The following USP36 variants were observed in gnomAD, a reference collection of about 807,000 sequenced individuals.
The protein encoded by USP36 is ubiquitin carboxyl-terminal hydrolase 36.
A neutral mutation model predicts 111.5 loss-of-function variants in USP36; 59 were observed. The ratio of observed to expected loss-of-function variants is 0.53; its 90% CI spans 0.43 to 0.66. The LOEUF is 0.66. USP36 is among the 30% of genes least tolerant of loss of function. The probability of loss-of-function intolerance (pLI) is 0.00; values close to 1 mark genes in which losing one functional copy is unlikely to be tolerated. For missense variants in USP36, 1,488 were observed against 1,468.0 expected (o/e 1.01, Z -0.22); for synonymous variants, 628 against 581.0 (o/e 1.08, Z -1.16).
chr17:78,818,617 T>G (rs773091571), intron 10 of USP36, 50 bp downstream of exon 10: 2 of 1,529,108 alleles, frequency 1.3e-6, no homozygotes, highest in Non-Finnish European at 9.1e-7. Flanking sequence ...GTTATTCTGA[T>G]GCCGACTGTG....
At chr17:78,823,155 G>A (rs966803138) in intron 6 of USP36, 1 of 398,708 alleles carries the variant, frequency 2.5e-6, no homozygotes, top group Non-Finnish European at 4.4e-6. Flanking sequence ...ATACTTGGGG[G>A]ACCAATACAG....
At position 78,798,443 on chromosome 17, in the gene USP36, C is replaced by T. The variant is rs1412119477; in HGVS notation, c.3349G>A (p.Ala1117Thr). ...FWSVTHPAKA[A>T]SLSYRR is the part of the protein sequence containing the mutation. ...AGTCAGCGGCGATAGCTGAGGCTGG[C>T]AGCCTTTGCTGGGTGAGTCACAGAC... Residue 1117 changes from alanine (A) to threonine (T), a missense_variant, in exon 20 of 21, where the codon GCC becomes ACC. This residue lies in a region of USP36 where 1,073 missense variants were observed against 994.1 expected (regional missense o/e 1.08). Coordinates refer to ENST00000449938, the MANE Select transcript of USP36 (RefSeq NM_001385174.1). The surrounding 1 kb of genome is among the most constrained non-coding windows in gnomAD (Gnocchi z 5.1). The T allele has an allele frequency of 1.2e-6, 2 of 1,614,204 alleles. No individual in the cohort carries two copies. The highest frequency in any genetic ancestry group is 1.3e-5 in the African/African-American group (1 of 75,054).
chr17:78,835,354 T>C lies in USP36; in HGVS notation c.401A>G (p.Asn134Ser), dbSNP rs1241266273. The change falls in exon 4 of 21, where the codon AAT becomes AGT. Residue 134 changes from asparagine (N) to serine (S), a missense_variant. By Grantham distance (46) the Asn-to-Ser change is conservative. Transcript: ENST00000449938. ...GTAGGTCAAGCACTGGATGGTGGCA[T>C]TGAGAAAGCAGGTGTTGCCAAGGTT... Reference protein sequence around the residue: ...LHNLGNTCFLNATIQCLTYTP... With the variant: ...LHNLGNTCFLSATIQCLTYTP... The C allele has an allele frequency of 1.2e-6, 2 of 1,614,178 alleles. No individual in the cohort carries two copies. Among genetic ancestry groups the C allele is most frequent in the Non-Finnish European group, 1.7e-6 (2 of 1,180,032 alleles).
Position 78,803,348 on chromosome 17 carries a change from C to A in USP36, c.2810+37G>T. The A allele has an allele frequency of 6.3e-7, 1 of 1,578,994 alleles. No homozygotes were observed. Among genetic ancestry groups the A allele is most frequent in the Non-Finnish European group, 8.6e-7 (1 of 1,156,740 alleles). Reference sequence around the variant, plus strand: ...TCTGTGGTTTTGCTTTGTTTCTCGTCAGAGGTAGACAGATGCCACTTTGCT... The same window carrying A: ...TCTGTGGTTTTGCTTTGTTTCTCGTAAGAGGTAGACAGATGCCACTTTGCT... On this transcript the variant is annotated intron_variant, in intron 16 of 20. Transcript: ENST00000449938. The surrounding 1 kb of genome is among the most constrained non-coding windows in gnomAD (Gnocchi z 4.6).
At position 78,798,899 on chromosome 17, in the gene USP36, ACAT is replaced by A. The variant is rs769886685; in HGVS notation, c.3240+6_3240+8del. ...CCCTCAAGCCTGTGGTCAGCATCAC[ACAT>A]CATACCTTCCCTCGGTCAAACTCTT... On this transcript the variant is annotated splice_donor_region_variant and intron_variant, in intron 19 of 20. Coordinates refer to ENST00000449938, the MANE Select transcript of USP36 (RefSeq NM_001385174.1). The surrounding 1 kb of genome is among the most constrained non-coding windows in gnomAD (Gnocchi z 5.1). 4 of 1,613,560 alleles carry A rather than the reference ACAT, an allele frequency of 2.5e-6. No homozygotes were observed. In the South Asian group the frequency reaches 4.4e-5, roughly 18 times the overall value.
chr17:78,813,111 C>A, intron 12 of USP36, 110 bp from the exon 13 acceptor site: 1 of 1,373,642 alleles, frequency 7.3e-7, no homozygotes, highest in Non-Finnish European at 1.0e-6. Flanking sequence ...CCTGGGGAAA[C>A]CCTGCCAGTC....
intron 7 of USP36, chr17:78,821,420 A>ATATATTT: frequency 5.8e-5 from 2 of 34,558 alleles, no homozygotes; most frequent in Non-Finnish European, 4.6e-5. Flanking sequence ...ATATATATAT[A>ATATATTT]TTTTTTTTTT....
intron 7 of USP36, 70 bp from the exon 8 acceptor site, chr17:78,821,131 C>A: frequency 6.8e-7 from 1 of 1,467,130 alleles, no homozygotes. Context: ...AAGACCGAGA[C>A]CCAGCAGGGA....
rs2094137035 is a variant in USP36, at chr17:78,814,525, T to G, written c.1051A>C (p.Ile351Leu). Residue 351 changes from isoleucine (I) to leucine (L), a missense_variant, in exon 11 of 21, where the codon ATA becomes CTA. Coordinates refer to ENST00000449938, the MANE Select transcript of USP36 (RefSeq NM_001385174.1). Reference sequence around the variant, plus strand: ...TTATTCTGGGACATATACGGACGTATGTTGAGGAATTCCGGATAGCCTACA... The same window carrying G: ...TTATTCTGGGACATATACGGACGTAGGTTGAGGAATTCCGGATAGCCTACA... ...KDVGYPEFLN[I>L]RPYMSQNNGD... The G allele has an allele frequency of 1.2e-6, 2 of 1,614,030 alleles. No individual in the cohort carries two copies. The highest frequency in any genetic ancestry group is 2.2e-5 in the South Asian group (2 of 91,078).
intron 10 of USP36, among the ~76,000 whole-genome samples, chr17:78,818,371 T>G (rs1290792394): frequency 6.6e-6 from 1 of 152,126 alleles, no homozygotes; most frequent in Non-Finnish European, 1.5e-5. Context: ...TTTGCAAAAA[T>G]GCAGATTCCT....
chr17:78,833,508 C>G (rs1318689005), intron 4 of USP36, among the ~76,000 whole-genome samples: 1 of 152,086 alleles, frequency 6.6e-6, no homozygotes, highest in Non-Finnish European at 1.5e-5. Context: ...ACTTGACTCA[C>G]TCAGAATTTA....
chr17:78,788,667 A>G (rs569130534), intron 3 of USP36, among the ~76,000 whole-genome samples: 4 of 152,090 alleles, frequency 2.6e-5, no homozygotes, highest in Non-Finnish European at 5.9e-5. Flanking sequence ...GCATGAAGGA[A>G]GGAAGGGCCA....
At chr17:78,804,127 T>C (rs1294163842) in intron 15 of USP36, 149 bp from the exon 16 acceptor site, 1 of 581,750 alleles carries the variant, frequency 1.7e-6, no homozygotes, top group African/African-American at 1.9e-5. Context: ...AAGTTACATG[T>C]ATGTTTGAAA....
chr17:78,810,906 G>C (rs773578908), intron 13 of USP36, among the ~76,000 whole-genome samples: 9 of 151,928 alleles, frequency 5.9e-5, no homozygotes, highest in Non-Finnish European at 1.3e-4. Flanking sequence ...TTGAGGTCAG[G>C]AGTTCCAGAC....
chr17:78,810,799 G>T (rs1188104734), intron 13 of USP36, among the ~76,000 whole-genome samples: 1 of 152,076 alleles, frequency 6.6e-6, no homozygotes, highest in Admixed American at 6.6e-5. Flanking sequence ...ATTCTAAAGG[G>T]AGAGGAAGAC....
At chr17:78,801,753 G>GA (rs1567910228) in intron 17 of USP36, among the ~76,000 whole-genome samples, 1 of 152,214 alleles carries the variant, frequency 6.6e-6, no homozygotes, top group Non-Finnish European at 1.5e-5. Flanking sequence ...AACCATCACA[G>GA]AAAAAAACTC....
chr17:78,824,288 CAA>C (rs1461451918), intron 6 of USP36, among the ~76,000 whole-genome samples: 9 of 152,236 alleles, frequency 5.9e-5, no homozygotes, highest in Middle Eastern at 3.4e-3. Context: ...GCTAAAATGG[CAA>C]GAGAGAGAGG....
In USP36 at chr17:78,836,372, A is replaced by C; in HGVS notation, c.-9T>G. On this transcript the variant is annotated splice_region_variant and 5_prime_UTR_variant, in exon 3 of 21. An upstream open reading frame in the 5' UTR loses its in-frame stop. Transcript: ENST00000449938. ...TTATCCACTATTGGCATGGTGCATC[A>C]CTGTGGGGACAAGAAGAAACATAGA... 1 of 1,612,488 alleles carries C rather than the reference A, an allele frequency of 6.2e-7. No individual in the cohort carries two copies. Among genetic ancestry groups the C allele is most frequent in the Non-Finnish European group, 8.5e-7 (1 of 1,179,056 alleles).
At position 78,827,308 on chromosome 17, in the gene USP36, G is replaced by C. The variant is rs751829662; in HGVS notation, c.626C>G (p.Ala209Gly). The C allele has an allele frequency of 6.2e-7, 1 of 1,613,588 alleles. No individual in the cohort carries two copies. The highest frequency in any genetic ancestry group is 1.3e-5 in the African/African-American group (1 of 74,928). Residue 209 changes from alanine (A) to glycine (G), a missense_variant, in exon 6 of 21, where the codon GCG becomes GGG. By Grantham distance (60) the Ala-to-Gly change is moderately conservative. Around this residue, in one of 3 missense-constraint regions of USP36, gnomAD observed 196 missense variants for 264.4 expected, o/e 0.74. Coordinates refer to ENST00000449938, the MANE Select transcript of USP36 (RefSeq NM_001385174.1). ...GATGGTGTACCGCAGGAACTCATGC[G>C]CGTCCTCCTGGTTCCCAAAGCGGAA... is the stretch of plus-strand genomic sequence containing the variant. ...RHFRFGNQED[A>G]HEFLRYTIDA...
Sources: gnomAD v4.1 joint callset for allele counts (sites outside exome capture counted in the v4.1 genomes callset) on GRCh38, gnomAD v4.1.1 for gene constraint, gnomAD v4.1.1 regional missense constraint, Gnocchi (gnomAD v3.1) non-coding constraint, MANE v1.5 for transcripts, NCBI Gene and HGNC (gene_info 2026-07-23, HGNC 2026-07-21) for gene names.